Variants in KCNH8 observed in about 807,000 individuals in gnomAD.
The protein encoded by KCNH8 is voltage-gated delayed rectifier potassium channel KCNH8.
A neutral mutation model predicts 103.6 loss-of-function variants in KCNH8; 70 were observed. That is an observed-to-expected ratio of 0.68 (90% CI 0.56 to 0.82). The LOEUF is 0.82. Ranked by LOEUF, KCNH8 falls within the 40% of genes least tolerant of loss-of-function variation. The probability of loss-of-function intolerance (pLI) is 0.00; values close to 1 mark genes in which losing one functional copy is unlikely to be tolerated. For missense variants in KCNH8, 1,217 were observed against 1,329.9 expected (o/e 0.92, Z 1.32); for synonymous variants, 498 against 489.4 (o/e 1.02, Z -0.23).
intron 11 of KCNH8, among the ~76,000 whole-genome samples, chr3:19,502,758 C>G (rs1433205031): frequency 1.3e-5 from 2 of 148,908 alleles, no homozygotes; most frequent in African/African-American, 4.9e-5. Flanking sequence ...CTTCCTTACA[C>G]CTTATACAAA....
chr3:19,335,783 A>G (rs1267673634), intron 3 of KCNH8, among the ~76,000 whole-genome samples: 2 of 151,682 alleles, frequency 1.3e-5, no homozygotes, highest in Non-Finnish European at 3.0e-5. Context: ...TCCTGCCCTC[A>G]AAGTATTCAT....
chr3:19,525,230 G>T (rs572226132), intron 15 of KCNH8, among the ~76,000 whole-genome samples: 54 of 151,676 alleles, frequency 3.6e-4, no homozygotes, highest in African/African-American at 1.3e-3. Context: ...AATAAAAAAA[G>T]AAATTTCAAA....
chr3:19,522,229 G>A (rs62276988), intron 15 of KCNH8, among the ~76,000 whole-genome samples: 2,298 of 152,000 alleles, frequency 0.015, 31 homozygotes, highest in Non-Finnish European at 0.026. Flanking sequence ...TATTGAGGCT[G>A]AGAGGTCTCA....
intron 2 of KCNH8, among the ~76,000 whole-genome samples, chr3:19,278,421 AGGAGGGAGAGAT>A (rs942842307): frequency 7.6e-6 from 1 of 131,526 alleles, no homozygotes; most frequent in Non-Finnish European, 1.6e-5. Flanking sequence ...GAGGGAGGGA[AGGAGGGAGAGAT>A]GGAGGGAGAA....
rs556059764 is a variant in KCNH8 at position 19,204,811 on chromosome 3, C to G, written c.77-48843C>G. ...TGAAAGACCTAAAGATATCTTAGCTCCATTCATTATAAATGAAATCAAGAT... is the reference window on the plus strand; with the variant it reads ...TGAAAGACCTAAAGATATCTTAGCTGCATTCATTATAAATGAAATCAAGAT... On this transcript the variant is annotated intron_variant, in intron 1 of 15. Coordinates refer to ENST00000328405, the MANE Select transcript of KCNH8 (RefSeq NM_144633.3). 5.3e-5 allele frequency among the ~76,000 whole-genome samples: 8 copies of G among 152,074 alleles called. No homozygotes were observed. In the East Asian group the frequency reaches 9.7e-4, roughly 18 times the overall value.
chr3:19,467,814 T>A (rs2067774128), intron 11 of KCNH8, among the ~76,000 whole-genome samples: 1 of 152,188 alleles, frequency 6.6e-6, no homozygotes, highest in Non-Finnish European at 1.5e-5. Flanking sequence ...CTTTTTATCA[T>A]AACTTTCAAG....
intron 1 of KCNH8, among the ~76,000 whole-genome samples, chr3:19,234,452 C>T (rs1015512952): frequency 5.3e-5 from 8 of 152,230 alleles, no homozygotes; most frequent in Non-Finnish European, 8.8e-5. Context: ...TAAGGCCCTG[C>T]GAGAAATTGA....
At chr3:19,419,195 G>GTTTTTTTTTTTTT (rs1559318835) in intron 7 of KCNH8, among the ~76,000 whole-genome samples, 2 of 128,750 alleles carry the variant, frequency 1.6e-5, no homozygotes, top group African/African-American at 5.8e-5. Flanking sequence ...AATGGTTTTG[G>GTTTTTTTTTTTTT]TTTTTTTTTT....
rs1373385903 is a variant in KCNH8 at position 19,481,130 on chromosome 3, C to G, written c.2040+24148C>G. Among the ~76,000 whole-genome samples the G allele has an allele frequency of 2.0e-5, 3 of 152,220 alleles. No individual in the cohort carries two copies. The East Asian group carries it at 5.8e-4, about 29-fold the overall frequency. On this transcript the variant is annotated intron_variant, in intron 11 of 15. Transcript: ENST00000328405. ...ATTCTAAGGTCTCAGTAGGCTAGCC[C>G]TCAATCTTCTTTATCTCTCTCAAGA...
At chr3:19,264,547 A>G (rs1235864554) in intron 2 of KCNH8, among the ~76,000 whole-genome samples, 1 of 152,096 alleles carries the variant, frequency 6.6e-6, no homozygotes, top group Non-Finnish European at 1.5e-5. Context: ...ACAAACGTAG[A>G]GATCAGGTCG....
intron 15 of KCNH8, among the ~76,000 whole-genome samples, chr3:19,525,297 CT>C: frequency 6.6e-6 from 1 of 151,910 alleles, no homozygotes; most frequent in African/African-American, 2.4e-5. Context: ...CTGGCATCAA[CT>C]TGAGCTTATT....
chr3:19,316,109 A>G (rs554344308), intron 3 of KCNH8, among the ~76,000 whole-genome samples: 5 of 152,168 alleles, frequency 3.3e-5, no homozygotes, highest in African/African-American at 4.8e-5. Flanking sequence ...TATTGATTGC[A>G]TAATTTTTTG....
intron 3 of KCNH8, among the ~76,000 whole-genome samples, chr3:19,325,699 G>A (rs756594822): frequency 2.6e-5 from 4 of 152,162 alleles, no homozygotes; most frequent in Non-Finnish European, 4.4e-5. Flanking sequence ...TGTTGGTGAT[G>A]TTATGGAGTA....
intron 7 of KCNH8, among the ~76,000 whole-genome samples, chr3:19,437,851 C>T (rs1057177640): frequency 2.0e-5 from 3 of 152,084 alleles, no homozygotes; most frequent in African/African-American, 4.8e-5. Flanking sequence ...GTGAAATAAA[C>T]AACACTGTTT....
intron 5 of KCNH8, among the ~76,000 whole-genome samples, chr3:19,387,504 A>C (rs1415281258): frequency 6.6e-6 from 1 of 152,142 alleles, no homozygotes; most frequent in Non-Finnish European, 1.5e-5. Context: ...AGTGTGAAAA[A>C]GTGTTTCGTA....
intron 12 of KCNH8, among the ~76,000 whole-genome samples, chr3:19,512,487 C>T (rs1005987103): frequency 4.6e-5 from 7 of 152,160 alleles, no homozygotes; most frequent in African/African-American, 1.7e-4. Flanking sequence ...AATAGGAAAG[C>T]TTTTTATTCT....
chr3:19,447,872 G>T (rs2067385706), intron 8 of KCNH8, among the ~76,000 whole-genome samples: 1 of 151,876 alleles, frequency 6.6e-6, no homozygotes, highest in Non-Finnish European at 1.5e-5. Flanking sequence ...TTGACCTGTT[G>T]GGAAACATTT....
intron 1 of KCNH8, among the ~76,000 whole-genome samples, chr3:19,242,343 G>A (rs1000670670): frequency 1.3e-5 from 2 of 152,104 alleles, no homozygotes; most frequent in Non-Finnish European, 2.9e-5. Context: ...CCCATCACTA[G>A]GGTACTGGTG....
chr3:19,375,144 C>A (rs1286324221), intron 5 of KCNH8, among the ~76,000 whole-genome samples: 1 of 151,736 alleles, frequency 6.6e-6, no homozygotes, highest in Non-Finnish European at 1.5e-5. Context: ...TGAATCTGAA[C>A]GTTGGCCTGC....
Sources: allele counts gnomAD v4.1 joint callset (sites outside exome capture counted in the v4.1 genomes callset), GRCh38; gene constraint gnomAD v4.1.1; transcripts MANE v1.5; gene names NCBI Gene and HGNC (gene_info 2026-07-23, HGNC 2026-07-21).